Variants in SYNE2 observed in about 807,000 individuals in gnomAD.
The protein encoded by SYNE2 is nesprin-2.
A neutral mutation model predicts 856.3 loss-of-function variants in SYNE2; 431 were observed. That is an observed-to-expected ratio of 0.50 (90% confidence interval 0.47 to 0.55). SYNE2 has a LOEUF of 0.55. Among genes scored for constraint, SYNE2 ranks in the 20% least tolerant of loss-of-function variants. The pLI, the probability that SYNE2 is intolerant of heterozygous loss-of-function variation, is 0.00. For synonymous variants in SYNE2, 2,923 were observed against 2,872.3 expected, an observed-to-expected ratio of 1.02 and a Z score of -0.56; for missense variants, 8,129 against 8,023.2, an observed-to-expected ratio of 1.01 and a Z score of -0.50.
chr14:64,167,526 T>C lies in SYNE2; in HGVS notation c.16792T>C (p.Phe5598Leu). 6.2e-7 allele frequency: 1 copy of C among 1,614,210 alleles called. No individual in the cohort carries two copies. Among genetic ancestry groups the C allele is most frequent in the South Asian group, 1.1e-5 (1 of 91,088 alleles). ...ELQGIGLNEK[F>L]LYCCEKWIQL... is the part of the protein sequence containing the mutation. ...TCAGGGAATTGGATTGAATGAAAAG[T>C]TTCTTTATTGCTGTGAAAAGTGGAT... Residue 5598 changes from phenylalanine to leucine, a missense_variant, in exon 92 of 116, where the codon TTT (phenylalanine) becomes CTT (leucine). Physicochemically the swap from Phe to Leu is conservative, Grantham distance 22. Around this residue, in one of 3 missense-constraint regions of SYNE2, gnomAD observed 5,410 missense variants for 5,284.8 expected, o/e 1.02. Coordinates refer to ENST00000555002, the MANE Select transcript of SYNE2 (RefSeq NM_182914.3).
intron 88 of SYNE2, 66 bp from the exon 89 acceptor site, chr14:64,163,336 G>C: frequency 6.4e-7 from 1 of 1,568,672 alleles, no homozygotes; most frequent in Non-Finnish European, 8.8e-7. Flanking sequence ...TGATGGAGCA[G>C]CAGCGGGTAG....
At chr14:63,885,949 C>G (rs931761745) in intron 1 of SYNE2, among the ~76,000 whole-genome samples, 1 of 152,036 alleles carries the variant, frequency 6.6e-6, no homozygotes, top group Non-Finnish European at 1.5e-5. Flanking sequence ...GGAGACAGCT[C>G]GAGAATATGT....
intron 1 of SYNE2, among the ~76,000 whole-genome samples, chr14:63,767,316 T>G (rs34609767): frequency 0.23 from 35,058 of 151,780 alleles, 4,950 homozygotes; most frequent in African/African-American, 0.4. Context: ...CACCATGTTG[T>G]CTAGGCTGGT....
intron 36 of SYNE2, 138 bp downstream of exon 36, chr14:64,021,653 A>C: frequency 8.3e-7 from 1 of 1,202,530 alleles, no homozygotes; most frequent in Non-Finnish European, 1.2e-6. Flanking sequence ...TTGTATATTT[A>C]GCATTTTCAT....
At chr14:63,825,371 A>G (rs1456415743) in intron 1 of SYNE2, among the ~76,000 whole-genome samples, 1 of 152,192 alleles carries the variant, frequency 6.6e-6, no homozygotes. Context: ...CTACAAAAAA[A>G]CACCAAAACT....
intron 74 of SYNE2, among the ~76,000 whole-genome samples, chr14:64,129,055 C>T (rs190331345): frequency 2.6e-3 from 396 of 152,358 alleles, no homozygotes; most frequent in Non-Finnish European, 4.6e-3. Context: ...CGCCTGTAAT[C>T]CCAGCACCTT....
intron 2 of SYNE2, among the ~76,000 whole-genome samples, chr14:63,924,128 T>G (rs1340448301): frequency 1.3e-5 from 2 of 152,178 alleles, no homozygotes; most frequent in Non-Finnish European, 2.9e-5. Flanking sequence ...CTTTTCCTAC[T>G]GACTTTTCTT....
chr14:63,944,712 G>T lies in SYNE2; in HGVS notation c.408+2569G>T, dbSNP rs140091157. Among the ~76,000 whole-genome samples, 1,392 of 150,660 alleles carry T rather than the reference G, an allele frequency of 9.2e-3. 26 individuals carry two copies. Among genetic ancestry groups the T allele is most frequent in the African/African-American group, 0.032 (1,311 of 40,994 alleles). The stretch of plus-strand genomic sequence containing the variant: ...ATTTTTGTATTTTTAGAAGAGATGG[G>T]GTTTCACCATATTGGCCAGGCTGGT... On this transcript the variant is annotated intron_variant, in intron 6 of 115. Coordinates refer to ENST00000555002, the MANE Select transcript of SYNE2 (RefSeq NM_182914.3).
At chr14:63,827,293 T>G (rs34555415) in intron 1 of SYNE2, among the ~76,000 whole-genome samples, 4 of 140,574 alleles carry the variant, frequency 2.8e-5, no homozygotes, top group African/African-American at 1.1e-4. Context: ...AAAAAAAAAA[T>G]TATTGCAACT....
At chr14:64,200,398 C>T (rs1175319253) in intron 99 of SYNE2, among the ~76,000 whole-genome samples, 1 of 152,172 alleles carries the variant, frequency 6.6e-6, no homozygotes, top group Non-Finnish European at 1.5e-5. Context: ...GCAGAGCCTT[C>T]CAGGAGGGCA....
intron 70 of SYNE2, among the ~76,000 whole-genome samples, chr14:64,124,094 A>G: frequency 6.6e-6 from 1 of 152,072 alleles, no homozygotes; most frequent in East Asian, 1.9e-4. Flanking sequence ...AATCTCAGCT[A>G]CTTGGGAGGC....
chr14:63,763,872 A>G (rs1047799177), intron 1 of SYNE2, among the ~76,000 whole-genome samples: 1 of 152,052 alleles, frequency 6.6e-6, no homozygotes, highest in Non-Finnish European at 1.5e-5. Context: ...GACTTGCCCT[A>G]TGTTGCCCAG....
chr14:63,973,617 C>T (rs983069515), intron 11 of SYNE2, among the ~76,000 whole-genome samples: 1 of 136,540 alleles, frequency 7.3e-6, no homozygotes, highest in African/African-American at 2.8e-5. Flanking sequence ...GGGTAACACA[C>T]CGAGAGTCCA....
chr14:63,832,009 T>G, intron 1 of SYNE2, among the ~76,000 whole-genome samples: 1 of 152,120 alleles, frequency 6.6e-6, no homozygotes, highest in East Asian at 1.9e-4. Context: ...TATTCTTGTA[T>G]CCCACAAAAA....
chr14:64,142,621 A>G lies in SYNE2; in HGVS notation c.15306+533A>G, dbSNP rs571170603. 1.9e-3 allele frequency among the ~76,000 whole-genome samples: 293 copies of G among 152,284 alleles called. 1 individual carries two copies. Among genetic ancestry groups the G allele is most frequent in the Non-Finnish European group, 3.3e-3 (222 of 68,024 alleles). On this transcript the variant is annotated intron_variant, in intron 82 of 115. Coordinates refer to ENST00000555002, the MANE Select transcript of SYNE2 (RefSeq NM_182914.3). ...ATGCTATTAGTAGCTCCTATCATGC[A>G]TTATTATAATTATTGGTTTATTTGC... is the stretch of plus-strand genomic sequence containing the variant.
intron 94 of SYNE2, among the ~76,000 whole-genome samples, chr14:64,174,740 AC>A (rs1293721811): frequency 6.6e-6 from 1 of 152,144 alleles, no homozygotes; most frequent in Non-Finnish European, 1.5e-5. Flanking sequence ...TTTTAAGAAC[AC>A]CTCACTTAGT....
intron 112 of SYNE2, 142 bp from the exon 113 acceptor site, chr14:64,223,047 G>C (rs1015538748): frequency 1.0e-5 from 8 of 776,118 alleles, no homozygotes; most frequent in African/African-American, 8.6e-5. Flanking sequence ...GACACAGGCA[G>C]ATATGAGAAA....
intron 95 of SYNE2, 80 bp from the exon 96 acceptor site, chr14:64,177,277 TG>T: frequency 1.3e-6 from 2 of 1,541,846 alleles, no homozygotes; most frequent in Non-Finnish European, 1.8e-6. Flanking sequence ...AAAGATTATG[TG>T]GATTAAATGA....
intron 1 of SYNE2, among the ~76,000 whole-genome samples, chr14:63,781,313 C>A (rs1887299751): frequency 6.6e-6 from 1 of 151,026 alleles, no homozygotes; most frequent in African/African-American, 2.4e-5. Context: ...GTGGACATCG[C>A]TGTATGGAAA....
Sources: gnomAD v4.1 joint callset for allele counts (sites outside exome capture counted in the v4.1 genomes callset) on GRCh38, gnomAD v4.1.1 for gene constraint, gnomAD v4.1.1 regional missense constraint, MANE v1.5 for transcripts, NCBI Gene and HGNC (gene_info 2026-07-23, HGNC 2026-07-21) for gene names.